The following ZDHHC19 variants were observed in gnomAD, a reference collection of about 807,000 sequenced individuals.
The protein encoded by ZDHHC19 is palmitoyltransferase ZDHHC19.
ZDHHC19 carries 30 observed loss-of-function variants against 33.9 expected under a neutral mutation model. The ratio of observed to expected loss-of-function variants is 0.88; its 90% confidence interval spans 0.66 to 1.20. The LOEUF is 1.20. Among genes scored for constraint, ZDHHC19 ranks in the 50% most tolerant of loss-of-function variants. The pLI is 0.00. For missense variants in ZDHHC19, 364 were observed against 401.1 expected, an observed-to-expected ratio of 0.91 and a Z score of 0.79; for synonymous variants, 178 against 167.6, an observed-to-expected ratio of 1.06 and a Z score of -0.48.
Position 196,203,280 on chromosome 3 carries a change from G to GAA in ZDHHC19, c.687+4117_687+4118insTT, listed in dbSNP as rs1722502581. Among the ~76,000 whole-genome samples, 1 of 152,004 alleles carries GAA rather than the reference G, an allele frequency of 6.6e-6. No homozygotes were observed. The highest frequency in any genetic ancestry group is 2.4e-5 in the African/African-American group (1 of 41,384). ...AAAAAAGAAAGAAAGAAGAAAGAAA[G>GAA]AGAGAGAGAAATTGAACGGTATTAA... is the stretch of plus-strand genomic sequence containing the variant. On this transcript the variant is annotated intron_variant, in intron 5 of 7. Transcript: ENST00000296326. This position sits in a 1 kb window ranked among gnomAD's most constrained non-coding sequence, Gnocchi z 4.3.
At chr3:196,210,553 T>A (rs1723209449) in intron 2 of ZDHHC19, 63 bp downstream of exon 2, 5 of 1,607,750 alleles carry the variant, frequency 3.1e-6, no homozygotes, top group Non-Finnish European at 4.2e-6. Context: ...ACTTTAGGAA[T>A]CCCCCCTGCA....
At chr3:196,210,498 G>A in intron 2 of ZDHHC19, 118 bp downstream of exon 2, 2 of 1,286,940 alleles carry the variant, frequency 1.6e-6, no homozygotes, top group Non-Finnish European at 2.2e-6. Flanking sequence ...ATGAAGACGT[G>A]GGGTGAAGGG....
rs772528602 is a variant in ZDHHC19, at chr3:196,208,508, A to G, written c.461T>C (p.Phe154Ser). Reference protein sequence around the residue: ...WVNNCIGHRNFRFFMLLVLSL... With the variant: ...WVNNCIGHRNSRFFMLLVLSL... ...CAGGACAAGCAGCATGAAGAAGCGGAAGTTGCGGTGACCGATGCAGTTATT... is the reference window on the plus strand; with the variant it reads ...CAGGACAAGCAGCATGAAGAAGCGGGAGTTGCGGTGACCGATGCAGTTATT... The change falls in exon 4 of 8, where the codon TTC (phenylalanine) becomes TCC (serine). Residue 154 changes from phenylalanine (F) to serine (S), a missense_variant. Phe to Ser is a radical substitution (Grantham distance 155). Coordinates refer to ENST00000296326, the MANE Select transcript of ZDHHC19 (RefSeq NM_001039617.2). 6 of 1,614,036 alleles carry G rather than the reference A, an allele frequency of 3.7e-6. No individual in the cohort carries two copies. The East Asian group carries it at 1.3e-4, about 36-fold the overall frequency.
At chr3:196,211,063 CT>C (rs1229533184) in intron 1 of ZDHHC19, 106 bp downstream of exon 1, 19 of 1,559,448 alleles carry the variant, frequency 1.2e-5, no homozygotes, top group Non-Finnish European at 1.6e-5. Flanking sequence ...CCCCTTTTCC[CT>C]GACCTCTCCC....
At chr3:196,202,045 G>A (rs1025047103) in intron 5 of ZDHHC19, among the ~76,000 whole-genome samples, 3 of 152,140 alleles carry the variant, frequency 2.0e-5, no homozygotes, top group African/African-American at 2.4e-5. Context: ...GGGGCCGGGC[G>A]TGGTGGCTCA....
intron 5 of ZDHHC19, among the ~76,000 whole-genome samples, chr3:196,207,074 T>C (rs1722793828): frequency 1.3e-5 from 2 of 152,162 alleles, no homozygotes; most frequent in Non-Finnish European, 2.9e-5. Flanking sequence ...GCCCCCTCTC[T>C]GAGTGTTCGT....
chr3:196,208,051 G>A (rs1310184802), intron 4 of ZDHHC19, among the ~76,000 whole-genome samples: 1 of 151,354 alleles, frequency 6.6e-6, no homozygotes, highest in Non-Finnish European at 1.5e-5. Context: ...CTATAGGCGC[G>A]AGCCATCACG....
At chr3:196,207,298 G>T in intron 5 of ZDHHC19, 100 bp downstream of exon 5, 2 of 1,035,814 alleles carry the variant, frequency 1.9e-6, no homozygotes, top group Non-Finnish European at 2.8e-6. Context: ...AGGCACCATC[G>T]CGGGTGGGGG....
intron 4 of ZDHHC19, 83 bp downstream of exon 4, chr3:196,208,305 C>A: frequency 7.5e-7 from 1 of 1,335,768 alleles, no homozygotes; most frequent in South Asian, 1.3e-5. Context: ...CTCCCTCTAG[C>A]CCCGCCCCCA....
Position 196,209,566 on chromosome 3 carries a change from C to T in ZDHHC19, c.269-51G>A, listed in dbSNP as rs369042524. The T allele has an allele frequency of 7.4e-5, 117 of 1,586,502 alleles. 1 individual carries two copies. The African/African-American group carries it at 1.0e-3, about 14-fold the overall frequency. On this transcript the variant is annotated intron_variant, in intron 2 of 7. Coordinates refer to ENST00000296326, the MANE Select transcript of ZDHHC19 (RefSeq NM_001039617.2). Reference sequence around the variant, plus strand: ...AGCAGAAGGCCCTGCGGTCACCCCGCGGCGGGGGCAGCTCCACGGCATCAC... The same window carrying T: ...AGCAGAAGGCCCTGCGGTCACCCCGTGGCGGGGGCAGCTCCACGGCATCAC...
intron 4 of ZDHHC19, 75 bp from the exon 5 acceptor site, chr3:196,207,578 C>T: frequency 3.7e-6 from 3 of 815,686 alleles, no homozygotes; most frequent in South Asian, 2.7e-5. Context: ...CCGCCCCGAG[C>T]CCCGCCCCGC....
chr3:196,210,712 C>T lies in ZDHHC19; in HGVS notation c.172G>A (p.Glu58Lys), dbSNP rs768381460. 3 of 1,613,762 alleles carry T rather than the reference C, an allele frequency of 1.9e-6. No homozygotes were observed. Among genetic ancestry groups the T allele is most frequent in the Admixed American group, 1.7e-5 (1 of 59,956 alleles). Residue 58 changes from glutamate (E) to lysine (K), a missense_variant, in exon 2 of 8, where the codon GAG becomes AAG. Physicochemically the swap from Glu to Lys is moderately conservative, Grantham distance 56 (BLOSUM62 1). Coordinates refer to ENST00000296326, the MANE Select transcript of ZDHHC19 (RefSeq NM_001039617.2). The part of the protein sequence containing the change: ...FPCRWLAQNG[E>K]WAFPVITGSL... ...CCTGTGATAACAGGAAAGGCCCACTCCCCGTTCTGAGCCAGCCACCTGCAA... is the reference window on the plus strand; with the variant it reads ...CCTGTGATAACAGGAAAGGCCCACTTCCCGTTCTGAGCCAGCCACCTGCAA...
intron 5 of ZDHHC19, among the ~76,000 whole-genome samples, chr3:196,206,494 A>T (rs1722740547): frequency 6.6e-6 from 1 of 151,806 alleles, no homozygotes; most frequent in African/African-American, 2.4e-5. Context: ...CTGGGACTAA[A>T]GGCACGTGCC....
chr3:196,211,343 G>A lies in ZDHHC19; in HGVS notation c.-28C>T, dbSNP rs1443560294. 1 of 1,573,642 alleles carries A rather than the reference G, an allele frequency of 6.4e-7. No individual in the cohort carries two copies. The highest frequency in any genetic ancestry group is 1.8e-5 in the Admixed American group (1 of 54,782). ...CTGGGCCTCCTTCGCCTCCAGGGGA[G>A]GTCAGAGCCACCAGGCTTCCTCCCC... On this transcript the variant is annotated 5_prime_UTR_variant, in exon 1 of 8. Coordinates refer to ENST00000296326, the MANE Select transcript of ZDHHC19 (RefSeq NM_001039617.2).
At position 196,203,720 on chromosome 3, in the gene ZDHHC19, G is replaced by C. The variant is rs1422887262; in HGVS notation, c.687+3678C>G. Among the ~76,000 whole-genome samples the C allele has an allele frequency of 6.6e-6, 1 of 152,224 alleles. No homozygotes were observed. Among genetic ancestry groups the C allele is most frequent in the African/African-American group, 2.4e-5 (1 of 41,460 alleles). ...AAGAACCACAGGATGTGAGAAGGGC[G>C]AAGGCTGCCCAGAAAAGGCTGAAAC... On this transcript the variant is annotated intron_variant, in intron 5 of 7. Transcript: ENST00000296326. The surrounding 1 kb of genome is among the most constrained non-coding windows in gnomAD (Gnocchi z 4.3).
intron 7 of ZDHHC19, 84 bp downstream of exon 7, chr3:196,198,192 A>T: frequency 7.7e-7 from 1 of 1,302,680 alleles, no homozygotes. Context: ...GCCAAACCTC[A>T]GGGGCCTCCC....
intron 3 of ZDHHC19, chr3:196,209,092 G>T: frequency 2.4e-6 from 1 of 409,018 alleles, no homozygotes; most frequent in East Asian, 4.1e-5. Flanking sequence ...CGAGCCCAGG[G>T]GTGGGACAGA....
At chr3:196,209,314 G>C in intron 3 of ZDHHC19, 62 bp downstream of exon 3, 1 of 1,531,388 alleles carries the variant, frequency 6.5e-7, no homozygotes, top group Non-Finnish European at 8.8e-7. Flanking sequence ...CTGTATGAGG[G>C]AGGCTCCTGG....
chr3:196,211,272 TG>T lies in ZDHHC19; in HGVS notation c.43del (p.His15IlefsTer83). 1 of 1,614,024 alleles carries T rather than the reference TG, an allele frequency of 6.2e-7. No homozygotes were observed. Among genetic ancestry groups the T allele is most frequent in the African/African-American group, 1.3e-5 (1 of 75,044 alleles). ...GGGACGTGGGACCAGAGGCAGGGGA[TG>T]GGGCTCCTTCACCAGCGGCGTGGCA... is the stretch of plus-strand genomic sequence containing the variant. ...TDATPLVKEP[H>X]PLPLVPRPWF... On this transcript the variant is annotated frameshift_variant, in exon 1 of 8. Coordinates refer to ENST00000296326, the MANE Select transcript of ZDHHC19 (RefSeq NM_001039617.2). LOFTEE classifies it high-confidence loss of function.
Sources: allele counts gnomAD v4.1 joint callset (sites outside exome capture counted in the v4.1 genomes callset), GRCh38; gene constraint gnomAD v4.1.1; non-coding constraint Gnocchi (gnomAD v3.1); transcripts MANE v1.5; gene names NCBI Gene and HGNC (gene_info 2026-07-23, HGNC 2026-07-21).